The following NEMP1 variants were observed in gnomAD, a reference collection of about 807,000 sequenced individuals.
NEMP1 encodes the protein transmembrane protein 194.
In NEMP1, 29 loss-of-function variants were observed where a neutral mutation model predicts 53.7. The observed-to-expected ratio is 0.54, with a 90% CI of 0.40 to 0.74. The LOEUF (loss-of-function observed/expected upper bound fraction) is 0.74, where lower values mean the gene tolerates loss of function less well. Among genes scored for constraint, NEMP1 ranks in the 30% least tolerant of loss-of-function variants. NEMP1 has a pLI of 0.00. For synonymous variants in NEMP1, 193 were observed against 192.9 expected (o/e 1.00, Z 0.00); for missense variants, 477 against 528.6 (o/e 0.90, Z 0.96).
At chr12:57,067,027 A>C (rs1424252067) in intron 4 of NEMP1, among the ~76,000 whole-genome samples, 1 of 152,206 alleles carries the variant, frequency 6.6e-6, no homozygotes, top group Non-Finnish European at 1.5e-5. Flanking sequence ...TATCAACAGT[A>C]TGAAAATGAA....
chr12:57,059,733 G>T lies in NEMP1; in HGVS notation c.*146C>A. The stretch of plus-strand genomic sequence containing the variant: ...CATAGAGACCTCCCATTTCCAAAGG[G>T]AGGCCTTTTTAGGCCTCTTATTTCA... On this transcript the variant is annotated 3_prime_UTR_variant, in exon 9 of 9. Transcript: ENST00000300128. 1.5e-6 allele frequency: 1 copy of T among 655,846 alleles called. No homozygotes were observed. The highest frequency in any genetic ancestry group is 2.5e-6 in the Non-Finnish European group (1 of 398,218). 40.6% of individuals were successfully genotyped at this position (655,846 alleles called of 1,614,324 possible).
chr12:57,061,913 C>G (rs2031827650), intron 7 of NEMP1, among the ~76,000 whole-genome samples: 1 of 151,824 alleles, frequency 6.6e-6, no homozygotes, highest in Non-Finnish European at 1.5e-5. Flanking sequence ...GCAGGAGAAT[C>G]GCTTAAACCC....
intron 7 of NEMP1, among the ~76,000 whole-genome samples, chr12:57,061,424 T>G (rs954806005): frequency 6.6e-6 from 1 of 152,226 alleles, no homozygotes; most frequent in East Asian, 1.9e-4. Context: ...CCAGGCACAG[T>G]GGCTCACGCC....
intron 4 of NEMP1, among the ~76,000 whole-genome samples, chr12:57,068,354 T>TG (rs1316557556): frequency 7.5e-6 from 1 of 132,876 alleles, no homozygotes; most frequent in Non-Finnish European, 1.7e-5. Context: ...AAACACTTGA[T>TG]TTTTTTTTTT....
rs1366675618 is a variant in NEMP1 at position 57,073,050 on chromosome 12, C to T, written c.128-138G>A. 6.0e-6 allele frequency: 4 copies of T among 664,168 alleles called. No individual in the cohort carries two copies. In the African/African-American group the frequency reaches 7.3e-5, roughly 12 times the overall value. The allele number at this position is 664,168 out of a possible 1,614,324, so 41.1% of individuals were successfully genotyped here. On this transcript the variant is annotated intron_variant, in intron 1 of 8. Coordinates refer to ENST00000300128, the MANE Select transcript of NEMP1 (RefSeq NM_001130963.2). ...CCAGACTGAGAAATAAGAAAAAAAA[C>T]TGAGAAGAAGGAAGAACTAAGGCAG...
At chr12:57,065,455 C>G (rs1012568301) in intron 4 of NEMP1, among the ~76,000 whole-genome samples, 1 of 151,592 alleles carries the variant, frequency 6.6e-6, no homozygotes, top group African/African-American at 2.4e-5. Context: ...TAGCCACTTT[C>G]AACAATGATG....
At chr12:57,084,028 T>A (rs1186135572) in intron 1 of NEMP1, among the ~76,000 whole-genome samples, 1 of 152,156 alleles carries the variant, frequency 6.6e-6, no homozygotes, top group African/African-American at 2.4e-5. Context: ...GATGGCGCGA[T>A]CTCGGCTCAC....
In NEMP1 at chr12:57,070,672, AC is replaced by A. The variant is rs2032302413; in HGVS notation, c.472+1del. 1 of 1,551,478 alleles carries A rather than the reference AC, an allele frequency of 6.4e-7. No homozygotes were observed. The highest frequency in any genetic ancestry group is 8.7e-7 in the Non-Finnish European group (1 of 1,146,686). On this transcript the variant is annotated splice_donor_variant, in intron 3 of 8. Transcript: ENST00000300128. LOFTEE classifies it high-confidence loss of function. The stretch of plus-strand genomic sequence containing the variant: ...CATCAGAAAAACAGAGGTGAGACTT[AC>A]TCCGGATCACAATGACACTGTACTT...
intron 4 of NEMP1, 30 bp downstream of exon 4, chr12:57,069,204 T>C: frequency 1.3e-6 from 2 of 1,487,302 alleles, no homozygotes; most frequent in African/African-American, 1.4e-5. Flanking sequence ...TATGAGCCGT[T>C]TCATTCTGCA....
intron 4 of NEMP1, 59 bp downstream of exon 4, chr12:57,069,174 TA>T: frequency 8.1e-7 from 1 of 1,240,688 alleles, no homozygotes; most frequent in Non-Finnish European, 1.1e-6. Flanking sequence ...ATAGTTACTA[TA>T]AAACGCAGGC....
chr12:57,074,494 G>A (rs2032509063), intron 1 of NEMP1, among the ~76,000 whole-genome samples: 1 of 150,796 alleles, frequency 6.6e-6, no homozygotes, highest in Non-Finnish European at 1.5e-5. Context: ...TAGTAGAGAT[G>A]GGGTTTCACC....
At chr12:57,072,166 G>A (rs1281659230) in intron 2 of NEMP1, among the ~76,000 whole-genome samples, 2 of 152,126 alleles carry the variant, frequency 1.3e-5, no homozygotes, top group Admixed American at 1.3e-4. Context: ...GGCTGGGTGC[G>A]ATAGCTCATG....
upstream of NEMP1, chr12:57,078,891 C>G: frequency 1.2e-6 from 1 of 828,448 alleles, no homozygotes; most frequent in East Asian, 2.7e-5. Flanking sequence ...CTCCAAGGGC[C>G]CTATGAGTCC....
At chr12:57,072,564 G>T (rs976833268) in intron 2 of NEMP1, among the ~76,000 whole-genome samples, 2 of 151,978 alleles carry the variant, frequency 1.3e-5, no homozygotes, top group Non-Finnish European at 2.9e-5. Flanking sequence ...GAGGAAAGAA[G>T]TTTACCTTAG....
upstream of NEMP1, among the ~76,000 whole-genome samples, chr12:57,082,566 G>C (rs2032876924): frequency 6.6e-6 from 1 of 151,350 alleles, no homozygotes; most frequent in Non-Finnish European, 1.5e-5. Flanking sequence ...ACAAAAATTA[G>C]CCAAGTGTGT....
At chr12:57,087,441 C>G (rs1268212554) in intron 1 of NEMP1, among the ~76,000 whole-genome samples, 1 of 131,386 alleles carries the variant, frequency 7.6e-6, no homozygotes, top group African/African-American at 3.0e-5. Flanking sequence ...CCAAAATAAC[C>G]TGAGGTGGGG....
intron 4 of NEMP1, among the ~76,000 whole-genome samples, chr12:57,068,470 C>T (rs2032199551): frequency 6.6e-6 from 1 of 152,012 alleles, no homozygotes; most frequent in Admixed American, 6.6e-5. Flanking sequence ...CGTGCCTTAG[C>T]CTCTCGAGTA....
In NEMP1 at chr12:57,060,913, G is replaced by A; in HGVS notation, c.1013C>T (p.Pro338Leu). ...TTCTTCTTCTGTCAGGAGACGAGGG[G>A]GAACAGGCTTTTCTGCTCCCTTACA... is the stretch of plus-strand genomic sequence containing the variant. ...KVCKGAEKPV[P>L]PRLLTEEEYR... The change falls in exon 8 of 9, where the codon CCC becomes CTC. Residue 338 changes from proline (P) to leucine (L), a missense_variant. Transcript: ENST00000300128. 1 of 1,614,002 alleles carries A rather than the reference G, an allele frequency of 6.2e-7. No homozygotes were observed. Among genetic ancestry groups the A allele is most frequent in the Non-Finnish European group, 8.5e-7 (1 of 1,179,974 alleles).
upstream of NEMP1, among the ~76,000 whole-genome samples, chr12:57,081,630 G>A (rs899262518): frequency 6.6e-6 from 1 of 151,794 alleles, no homozygotes; most frequent in Non-Finnish European, 1.5e-5. Flanking sequence ...AAACGAGGCT[G>A]GGCACGGTGG....
Sources: allele counts gnomAD v4.1 joint callset (sites outside exome capture counted in the v4.1 genomes callset), GRCh38; gene constraint gnomAD v4.1.1; transcripts MANE v1.5; gene names NCBI Gene and HGNC (gene_info 2026-07-23, HGNC 2026-07-21).